STIM1: variants seen among roughly 807,000 people sequenced by gnomAD.
STIM1 encodes the protein stromal interaction molecule 1.
In STIM1, 25 loss-of-function variants were observed where a neutral mutation model predicts 74.7. The ratio of observed to expected loss-of-function variants is 0.33; its 90% CI spans 0.24 to 0.47. The LOEUF is 0.47. Ranked by LOEUF, STIM1 falls within the 20% of genes least tolerant of loss-of-function variation. The pLI is 1.00. For missense variants in STIM1, 728 were observed against 920.8 expected (o/e 0.79, Z 2.71); for synonymous variants, 328 against 348.8 (o/e 0.94, Z 0.66).
intron 5 of STIM1, among the ~76,000 whole-genome samples, chr11:4,063,670 C>T (rs1469724368): frequency 6.6e-6 from 1 of 152,128 alleles, no homozygotes; most frequent in Non-Finnish European, 1.5e-5. Flanking sequence ...TATGCCTGAA[C>T]AGCTTTTTTT....
intron 4 of STIM1, 78 bp from the exon 5 acceptor site, chr11:4,059,201 TGG>T: frequency 8.2e-7 from 1 of 1,226,204 alleles, no homozygotes; most frequent in Non-Finnish European, 1.2e-6. Context: ...GAAGTGTTCC[TGG>T]GGGAGGCGGG....
chr11:4,039,877 C>T (rs1434133355), intron 3 of STIM1, among the ~76,000 whole-genome samples: 1 of 152,002 alleles, frequency 6.6e-6, no homozygotes, highest in Non-Finnish European at 1.5e-5. Flanking sequence ...AAGTGATTCT[C>T]CTGCCTCAGC....
chr11:4,084,899 A>T, intron 11 of STIM1, 134 bp downstream of exon 11: 2 of 640,532 alleles, frequency 3.1e-6, no homozygotes, highest in Non-Finnish European at 4.9e-6. Flanking sequence ...CACTGTCCCT[A>T]CTAACTACAG....
intron 2 of STIM1, among the ~76,000 whole-genome samples, chr11:4,000,450 A>G (rs926493254): frequency 3.2e-4 from 48 of 152,118 alleles, no homozygotes; most frequent in Admixed American, 1.6e-3. Context: ...TTCTGCAGAC[A>G]CCGCTGCTGA....
chr11:3,879,182 C>A (rs1394166585), intron 1 of STIM1, among the ~76,000 whole-genome samples: 1 of 152,188 alleles, frequency 6.6e-6, no homozygotes, highest in Non-Finnish European at 1.5e-5. Flanking sequence ...TCTCGAACTC[C>A]TGACCTCAGG....
intron 5 of STIM1, among the ~76,000 whole-genome samples, chr11:4,066,687 G>T (rs539954998): frequency 6.7e-6 from 1 of 150,168 alleles, no homozygotes; most frequent in East Asian, 1.9e-4. Flanking sequence ...CTCTAAAAAA[G>T]AAAAAAAAAG....
intron 1 of STIM1, among the ~76,000 whole-genome samples, chr11:3,882,234 G>A (rs1229435560): frequency 4.0e-5 from 6 of 151,518 alleles, no homozygotes; most frequent in African/African-American, 1.5e-4. Flanking sequence ...CGAGTAGCTG[G>A]GATTACAGGC....
chr11:4,059,308 A>T lies in STIM1; in HGVS notation c.525A>T (p.Thr175=). 6.2e-7 allele frequency: 1 copy of T among 1,614,064 alleles called. No homozygotes were observed. Among genetic ancestry groups the T allele is most frequent in the Non-Finnish European group, 8.5e-7 (1 of 1,179,958 alleles). ...TGGCTGTCACCAACACCACCATGACAGGGACTGTGCTGAAGATGACAGACC... is the reference window on the plus strand; with the variant it reads ...TGGCTGTCACCAACACCACCATGACTGGGACTGTGCTGAAGATGACAGACC... The part of the protein sequence containing the change: ...PRLAVTNTTM[T]GTVLKMTDRS... The change falls in exon 5 of 13, where the codon ACA becomes ACT. Residue 175 remains threonine (T), a synonymous_variant. Coordinates refer to ENST00000526596, the MANE Select transcript of STIM1 (RefSeq NM_001382567.1).
intron 7 of STIM1, 64 bp from the exon 8 acceptor site, chr11:4,082,120 T>A: frequency 1.3e-6 from 2 of 1,525,344 alleles, no homozygotes; most frequent in Non-Finnish European, 1.8e-6. Flanking sequence ...TTCTGAAGCA[T>A]CATACAGAGA....
chr11:3,856,880 C>A (rs887519237), intron 1 of STIM1, among the ~76,000 whole-genome samples: 1 of 152,196 alleles, frequency 6.6e-6, no homozygotes, highest in African/African-American at 2.4e-5. Context: ...CCTATTCCAA[C>A]AACCGTGGGA....
chr11:3,980,368 T>C (rs917852931), intron 2 of STIM1, among the ~76,000 whole-genome samples: 3 of 152,174 alleles, frequency 2.0e-5, no homozygotes, highest in African/African-American at 2.4e-5. Context: ...GTTCATGTTA[T>C]ACTGTATTTC....
At chr11:4,063,544 G>T (rs950131023) in intron 5 of STIM1, among the ~76,000 whole-genome samples, 1 of 152,164 alleles carries the variant, frequency 6.6e-6, no homozygotes, top group African/African-American at 2.4e-5. Flanking sequence ...ATAGACTACA[G>T]TATAGTGTAA....
At chr11:4,007,431 G>A (rs2093793252) in intron 2 of STIM1, among the ~76,000 whole-genome samples, 1 of 152,206 alleles carries the variant, frequency 6.6e-6, no homozygotes, top group Non-Finnish European at 1.5e-5. Flanking sequence ...AAAGTAAGAT[G>A]TGGTAATGCC....
chr11:3,941,259 G>T (rs1292542155), intron 1 of STIM1, among the ~76,000 whole-genome samples: 1 of 152,112 alleles, frequency 6.6e-6, no homozygotes, highest in Admixed American at 6.5e-5. Flanking sequence ...TCTACAGTTC[G>T]AAGACTTCTG....
chr11:4,074,636 A>G lies in STIM1; in HGVS notation c.926A>G (p.Asn309Ser). Residue 309 changes from asparagine (N) to serine (S), a missense_variant, in exon 7 of 13, where the codon AAT (asparagine) becomes AGT (serine). Asn to Ser is a conservative substitution (Grantham distance 46). Around this residue, in one of 5 missense-constraint regions of STIM1, gnomAD observed 131 missense variants for 235.9 expected, o/e 0.56. Transcript: ENST00000526596. Reference sequence around the variant, plus strand: ...AAGGAGCTGCGGGAGGGTACTGAGAATGAGCGGAGCCGCCAAAAATATGCT... The same window carrying G: ...AAGGAGCTGCGGGAGGGTACTGAGAGTGAGCGGAGCCGCCAAAAATATGCT... The part of the protein sequence containing the change: ...RLKELREGTE[N>S]ERSRQKYAEE... The G allele has an allele frequency of 6.3e-7, 1 of 1,593,422 alleles. No homozygotes were observed. The highest frequency in any genetic ancestry group is 8.6e-7 in the Non-Finnish European group (1 of 1,169,426).
chr11:3,944,469 G>C (rs117792791), intron 1 of STIM1, among the ~76,000 whole-genome samples: 1,750 of 152,312 alleles, frequency 0.011, 15 homozygotes, highest in Middle Eastern at 0.02. Flanking sequence ...AGTGGGAGTG[G>C]AGGGGGAAGT....
At chr11:4,066,586 T>C (rs539100582) in intron 5 of STIM1, among the ~76,000 whole-genome samples, 1 of 152,184 alleles carries the variant, frequency 6.6e-6, no homozygotes, top group South Asian at 2.1e-4. Context: ...AGTGACTCTC[T>C]CCTGTAATTC....
chr11:4,047,259 T>C (rs1033455602), intron 3 of STIM1, among the ~76,000 whole-genome samples: 1 of 152,112 alleles, frequency 6.6e-6, no homozygotes, highest in Admixed American at 6.5e-5. Flanking sequence ...GCTGGAGGAC[T>C]GCCAGAGGCC....
chr11:3,858,549 G>A (rs1242680484), intron 1 of STIM1, among the ~76,000 whole-genome samples: 3 of 152,150 alleles, frequency 2.0e-5, no homozygotes, highest in Admixed American at 1.3e-4. Flanking sequence ...TCTACCTGGG[G>A]TTTTGTCTTT....
Sources: gnomAD v4.1 joint callset for allele counts (sites outside exome capture counted in the v4.1 genomes callset) on GRCh38, gnomAD v4.1.1 for gene constraint, gnomAD v4.1.1 regional missense constraint, MANE v1.5 for transcripts, NCBI Gene and HGNC (gene_info 2026-07-23, HGNC 2026-07-21) for gene names.